PPP1R3F: variants seen among roughly 807,000 people sequenced by gnomAD.
The protein encoded by PPP1R3F is protein phosphatase 1, regulatory (inhibitor) subunit 3F.
A neutral mutation model predicts 24.2 loss-of-function variants in PPP1R3F; 29 were observed. That is an observed-to-expected ratio of 1.20 (90% CI 0.89 to 1.63). The LOEUF (loss-of-function observed/expected upper bound fraction) is 1.63. PPP1R3F is among the 40% of genes most tolerant of loss of function. The probability of loss-of-function intolerance (pLI) is 0.00; values close to 1 mark genes in which losing one functional copy is unlikely to be tolerated. For missense variants in PPP1R3F, 823 were observed against 729.3 expected (o/e 1.13, Z -1.48); for synonymous variants, 363 against 340.1 (o/e 1.07, Z -0.74).
In PPP1R3F at chrX:49,286,204, C is replaced by A. The variant is rs781840144; in HGVS notation, c.1514C>A (p.Ala505Glu). 1 of 540,213 alleles carries A rather than the reference C, an allele frequency of 1.9e-6. No homozygotes were observed. The highest frequency in any genetic ancestry group is 2.9e-6 in the Non-Finnish European group (1 of 349,661). The allele number at this position is 540,213 out of a possible 1,213,427, so 44.5% of individuals were successfully genotyped here. The part of the protein sequence containing the change: ...HLSRLRAAVA[A>E]GGAGGGGEGS... ...AGCCGCCTACGGGCTGCTGTGGCTG[C>A]GGGTGGGGCAGGGGGTGGTGGGGAG... Residue 505 changes from alanine to glutamate, a missense_variant, in exon 4 of 4, where the codon GCG (alanine) becomes GAG (glutamate). Physicochemically the swap from Ala to Glu is moderately radical, Grantham distance 107. Coordinates refer to ENST00000055335, the MANE Select transcript of PPP1R3F (RefSeq NM_033215.5).
chrX:49,277,733 T>G (rs1557120192), intron 1 of PPP1R3F, among the ~76,000 whole-genome samples: 1 of 112,583 alleles, frequency 8.9e-6, no homozygotes, highest in Non-Finnish European at 1.9e-5. Flanking sequence ...TTTCAAACTC[T>G]CTTCAAAGTG....
chrX:49,270,742 CACACCCACTGATGCCGA>C lies in PPP1R3F; in HGVS notation c.875_891del (p.Thr292ArgfsTer24). ...TCCTGCTCCGGATCGCACCCGCTCC[CACACCCACTGATGCCGA>C]AGGGCTGCCCCAGCAGCAGCAGCTG... On this transcript the variant is annotated frameshift_variant, in exon 1 of 4. Transcript: ENST00000055335. LOFTEE classifies it high-confidence loss of function. The C allele has an allele frequency of 8.3e-7, 1 of 1,204,597 alleles. No individual in the cohort carries two copies. The highest frequency in any genetic ancestry group is 1.8e-5 in the South Asian group (1 of 55,880).
rs782553511 is a variant in PPP1R3F, at chrX:49,270,571, C to T, written c.702C>T (p.Pro234=). ...LGPGQASASS[P]DDGGRTDRFA... ...CCGGCCAGGCATCCGCCTCCTCGCC[C>T]GACGACGGCGGCCGCACCGACCGCT... Residue 234 remains proline, a synonymous_variant, in exon 1 of 4, where the codon CCC becomes CCT. Coordinates refer to ENST00000055335, the MANE Select transcript of PPP1R3F (RefSeq NM_033215.5). 4 of 1,201,893 alleles carry T rather than the reference C, an allele frequency of 3.3e-6. No individual in the cohort carries two copies. Among genetic ancestry groups the T allele is most frequent in the South Asian group, 1.8e-5 (1 of 56,412 alleles).
At chrX:49,290,598 G>A (rs1037396297), downstream of PPP1R3F, among the ~76,000 whole-genome samples, 1 of 111,255 alleles carries the variant, frequency 9.0e-6, no homozygotes, top group South Asian at 3.8e-4. Context: ...GCAGGCTTTG[G>A]GGAAAACGTT....
rs1455354760 is a variant in PPP1R3F, at chrX:49,270,036, C to G, written c.167C>G (p.Pro56Arg). The change falls in exon 1 of 4, where the codon CCG (proline) becomes CGG (arginine). Residue 56 changes from proline (P) to arginine (R), a missense_variant. Physicochemically the swap from Pro to Arg is moderately radical, Grantham distance 103. Coordinates refer to ENST00000055335, the MANE Select transcript of PPP1R3F (RefSeq NM_033215.5). ...CTGGCGCAGTTGCGCCGCTACCGGC[C>G]GTGGGGCGGGCCCGGGGCGGGCAAG... is the stretch of plus-strand genomic sequence containing the variant. ...LPLAQLRRYR[P>R]WGGPGAGKMA... The G allele has an allele frequency of 1.3e-4, 127 of 947,933 alleles. 1 individual carries two copies. The highest frequency in any genetic ancestry group is 1.6e-4 in the Non-Finnish European group (121 of 764,701). The allele number at this position is 947,933 out of a possible 1,213,427, so 78.1% of individuals were successfully genotyped here. A position where few individuals can be genotyped will look rare whatever the true frequency, so the allele number is the denominator to read the frequency against.
Position 49,285,963 on chromosome X carries a change from G to C in PPP1R3F, c.1273G>C (p.Gly425Arg). Residue 425 changes from glycine to arginine, a missense_variant, in exon 4 of 4, where the codon GGC becomes CGC. Gly to Arg is a moderately radical substitution (Grantham distance 125). Coordinates refer to ENST00000055335, the MANE Select transcript of PPP1R3F (RefSeq NM_033215.5). ...IRIPPSSPLC[G>R]LGGSPRDQAS... ...GATTCCCCCCTCCTCCCCTCTCTGT[G>C]GCCTGGGTGGCTCCCCCAGAGACCA... The C allele has an allele frequency of 8.3e-7, 1 of 1,205,389 alleles. No homozygotes were observed. Among genetic ancestry groups the C allele is most frequent in the Non-Finnish European group, 1.1e-6 (1 of 891,655 alleles).
At chrX:49,283,012 G>T (rs1386933459) in intron 3 of PPP1R3F, among the ~76,000 whole-genome samples, 1 of 109,072 alleles carries the variant, frequency 9.2e-6, no homozygotes, top group Non-Finnish European at 1.9e-5. Context: ...GAGGGTGTGT[G>T]TGTGTGTGTG....
At position 49,281,983 on chromosome X, in the gene PPP1R3F, G is replaced by T; in HGVS notation, c.1063G>T (p.Glu355Ter). ...NMDDNTFAMAEHPDVQESVGP... is the reference protein window; with the variant it reads ...NMDDNTFAMA The stretch of plus-strand genomic sequence containing the variant: ...TGCTGCCTTTCTCTTCCCTCTAGCA[G>T]AGCATCCTGATGTCCAGGAGTCAGT... Residue 355 changes from glutamate (E) to a stop codon, truncating the protein, a stop_gained and splice_region_variant, in exon 3 of 4, where the codon GAG (glutamate) becomes TAG (stop). Transcript: ENST00000055335. LOFTEE classifies it high-confidence loss of function. 8.3e-7 allele frequency: 1 copy of T among 1,201,665 alleles called. No homozygotes were observed. Among genetic ancestry groups the T allele is most frequent in the Non-Finnish European group, 1.1e-6 (1 of 886,241 alleles).
Position 49,270,593 on chromosome X carries a change from C to T in PPP1R3F, c.724C>T (p.Arg242Cys). 2 of 1,204,473 alleles carry T rather than the reference C, an allele frequency of 1.7e-6. No homozygotes were observed. The highest frequency in any genetic ancestry group is 1.7e-5 in the African/African-American group (1 of 58,024). Residue 242 changes from arginine to cysteine, a missense_variant, in exon 1 of 4, where the codon CGC (arginine) becomes TGC (cysteine). By Grantham distance (180) the Arg-to-Cys change is radical. Coordinates refer to ENST00000055335, the MANE Select transcript of PPP1R3F (RefSeq NM_033215.5). ...SSPDDGGRTD[R>C]FAFQLPFAEG... is the part of the protein sequence containing the mutation. ...GCCCGACGACGGCGGCCGCACCGAC[C>T]GCTTTGCCTTCCAGCTGCCCTTTGC...
chrX:49,285,730 G>C, intron 3 of PPP1R3F, 104 bp from the exon 4 acceptor site: 1 of 867,062 alleles, frequency 1.2e-6, no homozygotes, highest in Non-Finnish European at 1.5e-6. Flanking sequence ...CTGTGGGGCT[G>C]GCTGTGGGCT....
At chrX:49,274,324 C>T (rs1045433927) in intron 1 of PPP1R3F, 3 of 111,703 alleles carry the variant, frequency 2.7e-5, no homozygotes, top group Non-Finnish European at 5.7e-5. Context: ...CCATGGTCTT[C>T]AAGCACCCTC....
chrX:49,289,563 A>G (rs1557122141), downstream of PPP1R3F, among the ~76,000 whole-genome samples: 1 of 111,941 alleles, frequency 8.9e-6, no homozygotes, highest in Non-Finnish European at 1.9e-5. Context: ...TGCAAAGTTC[A>G]CAAGCAGGCA....
rs1023008960 is a variant in PPP1R3F at position 49,286,286 on chromosome X, C to T, written c.1596C>T (p.Arg532=). The change falls in exon 4 of 4, where the codon CGC becomes CGT. Residue 532 remains arginine, a synonymous_variant. Transcript: ENST00000055335. ...ATCCCCTGGGCATACTGACGGACCG[C>T]GACCTGATCTTGAAGTGGCCTGGCC... ...PSHPLGILTD[R]DLILKWPGPE... 6.6e-6 allele frequency: 8 copies of T among 1,211,103 alleles called. No homozygotes were observed. Among genetic ancestry groups the T allele is most frequent in the East Asian group, 3.0e-5 (1 of 33,824 alleles).
chrX:49,295,623 T>G (rs782028599), intron 3 of PPP1R3F, among the ~76,000 whole-genome samples: 3 of 111,522 alleles, frequency 2.7e-5, no homozygotes, highest in African/African-American at 9.8e-5. Context: ...TCTTTTTTTC[T>G]GGTTTTGGTA....
At chrX:49,297,828 C>CTTTTTTTTTTTTTTTTTTT (rs61353822) in intron 3 of PPP1R3F, among the ~76,000 whole-genome samples, 9 of 19,611 alleles carry the variant, frequency 4.6e-4, no homozygotes, top group African/African-American at 1.5e-3. Flanking sequence ...GCAACCCCTG[C>CTTTTTTTTTTTTTTTTTTT]TTTTTTTTTT....
chrX:49,270,453 C>T lies in PPP1R3F; in HGVS notation c.584C>T (p.Pro195Leu), dbSNP rs1393702667. ...GGCTGGGCTTCCTTTTGCGACCACC[C>T]AGCGCGCTACGTCCCGCGCAGCCCG... ...HDGWASFCDH[P>L]ARYVPRSPPW... is the part of the protein sequence containing the mutation. The change falls in exon 1 of 4, where the codon CCA (proline) becomes CTA (leucine). Residue 195 changes from proline (P) to leucine (L), a missense_variant. Physicochemically the swap from Pro to Leu is moderately conservative, Grantham distance 98. Coordinates refer to ENST00000055335, the MANE Select transcript of PPP1R3F (RefSeq NM_033215.5). 6.7e-6 allele frequency: 8 copies of T among 1,199,643 alleles called. No individual in the cohort carries two copies. The highest frequency in any genetic ancestry group is 2.4e-4 in the Middle Eastern group (1 of 4,161).
rs1557121390 is a variant in PPP1R3F at position 49,286,009 on chromosome X, G to T, written c.1319G>T (p.Ser440Ile). The T allele has an allele frequency of 2.5e-6, 3 of 1,184,449 alleles. No homozygotes were observed. The highest frequency in any genetic ancestry group is 3.4e-6 in the Non-Finnish European group (3 of 879,444). Reference sequence around the variant, plus strand: ...GACCAGGCCTCAGGGCCCGATGCGAGCGAGGGGGCCACCGGGCCTTTCCTG... The same window carrying T: ...GACCAGGCCTCAGGGCCCGATGCGATCGAGGGGGCCACCGGGCCTTTCCTG... ...PRDQASGPDA[S>I]EGATGPFLEP... Residue 440 changes from serine (S) to isoleucine (I), a missense_variant, in exon 4 of 4, where the codon AGC becomes ATC. Transcript: ENST00000055335.
chrX:49,292,885 C>T (rs1206975048), downstream of PPP1R3F, among the ~76,000 whole-genome samples: 1 of 111,647 alleles, frequency 9.0e-6, no homozygotes, highest in Non-Finnish European at 1.9e-5. Context: ...GGAGGGGAGC[C>T]GAGGCGTTGA....
rs782123440 is a variant in PPP1R3F at position 49,285,955 on chromosome X, C to T, written c.1265C>T (p.Pro422Leu). The T allele has an allele frequency of 1.1e-5, 13 of 1,208,325 alleles. No homozygotes were observed. The highest frequency in any genetic ancestry group is 1.3e-5 in the Non-Finnish European group (12 of 893,333). ...APAIRIPPSS[P>L]LCGLGGSPRD... ...GCCATCAGGATTCCCCCCTCCTCCC[C>T]TCTCTGTGGCCTGGGTGGCTCCCCC... The change falls in exon 4 of 4, where the codon CCT (proline) becomes CTT (leucine). Residue 422 changes from proline to leucine, a missense_variant. Coordinates refer to ENST00000055335, the MANE Select transcript of PPP1R3F (RefSeq NM_033215.5).
Sources: gnomAD v4.1 joint callset for allele counts (sites outside exome capture counted in the v4.1 genomes callset) on GRCh38, gnomAD v4.1.1 for gene constraint, MANE v1.5 for transcripts, NCBI Gene and HGNC (gene_info 2026-07-23, HGNC 2026-07-21) for gene names.